Variants in ABCC12 observed in about 807,000 individuals in gnomAD.
ABCC12 encodes ATP binding cassette subfamily C member 12, also known as ATP-binding cassette sub-family C member 12.
ABCC12 carries 142 observed loss-of-function variants against 151.1 expected under a neutral mutation model. The ratio of observed to expected loss-of-function variants is 0.94; its 90% CI spans 0.82 to 1.08. The LOEUF (loss-of-function observed/expected upper bound fraction) is 1.08. ABCC12 is among the 50% of genes least tolerant of loss of function. The pLI is 0.00. For synonymous variants in ABCC12, 645 were observed against 646.4 expected (o/e 1.00, Z 0.03); for missense variants, 1,638 against 1,691.1 (o/e 0.97, Z 0.55).
rs1963914487 is a variant in ABCC12, at chr16:48,117,273, T to A, written c.1773A>T (p.Gly591=). The change falls in exon 14 of 31, where the codon GGA becomes GGT. Residue 591 remains glycine (G), a synonymous_variant. Coordinates refer to ENST00000311303, the MANE Select transcript of ABCC12 (RefSeq NM_001393797.1). ...CAGCCCCGCTCACCTCAGTCAGGTC[T>A]CCATAGGGGAGGTTGCTCAGGTCCT... ...LQKDLSNLPY[G]DLTEIGERGL... is the part of the protein sequence containing the mutation. The A allele has an allele frequency of 6.2e-7, 1 of 1,613,470 alleles. No individual in the cohort carries two copies. The highest frequency in any genetic ancestry group is 8.5e-7 in the Non-Finnish European group (1 of 1,179,804).
At chr16:48,137,274 C>T (rs1421533403) in intron 8 of ABCC12, among the ~76,000 whole-genome samples, 2 of 152,216 alleles carry the variant, frequency 1.3e-5, no homozygotes, top group African/African-American at 2.4e-5. Flanking sequence ...TCCTCCCTTA[C>T]TCATAAAAGC....
chr16:48,127,226 G>A (rs1020971052), intron 11 of ABCC12, among the ~76,000 whole-genome samples: 5 of 151,928 alleles, frequency 3.3e-5, no homozygotes, highest in African/African-American at 1.2e-4. Flanking sequence ...TGAGTCAACA[G>A]GATGAGAGAT....
At chr16:48,084,903 C>A (rs1286334016) in intron 29 of ABCC12, among the ~76,000 whole-genome samples, 1 of 152,102 alleles carries the variant, frequency 6.6e-6, no homozygotes, top group Non-Finnish European at 1.5e-5. Context: ...CCTGACTCTG[C>A]TTGACTGGCC....
intron 2 of ABCC12, among the ~76,000 whole-genome samples, chr16:48,150,585 T>C (rs1965104143): frequency 6.6e-6 from 1 of 152,086 alleles, no homozygotes. Context: ...TATATAATAA[T>C]ATATTTTATT....
rs74436036 is a variant in ABCC12 at position 48,137,022 on chromosome 16, C to T, written c.979+1206G>A. Among the ~76,000 whole-genome samples the T allele has an allele frequency of 1.4e-4, 22 of 152,302 alleles. No homozygotes were observed. In the East Asian group the frequency reaches 4.0e-3, roughly 28 times the overall value. On this transcript the variant is annotated intron_variant, in intron 8 of 30. Coordinates refer to ENST00000311303, the MANE Select transcript of ABCC12 (RefSeq NM_001393797.1). The stretch of plus-strand genomic sequence containing the variant: ...GTGATAAGAAGCCACTATTTTCCAA[C>T]AGGGGAGGAACAGGATCTGACTGAC...
chr16:48,102,685 A>T lies in ABCC12; in HGVS notation c.2900+1457T>A, dbSNP rs1486248642. 2.6e-5 allele frequency among the ~76,000 whole-genome samples: 4 copies of T among 152,082 alleles called. No homozygotes were observed. In the East Asian group the frequency reaches 7.7e-4, roughly 29 times the overall value. On this transcript the variant is annotated intron_variant, in intron 22 of 30. Transcript: ENST00000311303. ...CTCTCCTGCCCCAGTACATTCCCAC[A>T]CCCGCATTTGCCACTGTCCACGGAC...
chr16:48,128,195 T>G (rs887278461), intron 11 of ABCC12, among the ~76,000 whole-genome samples: 1 of 152,352 alleles, frequency 6.6e-6, no homozygotes, highest in East Asian at 1.9e-4. Context: ...TGGAGTGGAC[T>G]GTTCATTCAA....
At chr16:48,098,071 T>C (rs1007889558) in intron 23 of ABCC12, among the ~76,000 whole-genome samples, 9 of 147,906 alleles carry the variant, frequency 6.1e-5, no homozygotes, top group Non-Finnish European at 8.9e-5. Context: ...TGCTTCTCAA[T>C]TGCAAGCCTG....
intron 23 of ABCC12, among the ~76,000 whole-genome samples, chr16:48,098,240 A>G (rs1484307400): frequency 6.6e-6 from 1 of 152,134 alleles, no homozygotes; most frequent in Non-Finnish European, 1.5e-5. Flanking sequence ...ATTAACCAAA[A>G]GAGACATCAG....
At chr16:48,138,200 G>T (rs1964675297) in intron 8 of ABCC12, 28 bp downstream of exon 8, 2 of 1,578,574 alleles carry the variant, frequency 1.3e-6, no homozygotes, top group African/African-American at 2.7e-5. Context: ...AAGGTAAGTG[G>T]TTCTTTAAGC....
intron 2 of ABCC12, among the ~76,000 whole-genome samples, chr16:48,150,793 T>C (rs1965106960): frequency 6.6e-6 from 1 of 152,180 alleles, no homozygotes; most frequent in Non-Finnish European, 1.5e-5. Context: ...AACACATATC[T>C]ATAAATATTT....
At chr16:48,127,480 T>C (rs1453876236) in intron 11 of ABCC12, among the ~76,000 whole-genome samples, 3 of 152,182 alleles carry the variant, frequency 2.0e-5, no homozygotes, top group Admixed American at 6.5e-5. Flanking sequence ...GGTTGCTTGT[T>C]ATCTCAGTTT....
chr16:48,082,614 G>A lies in ABCC12; in HGVS notation c.*1101C>T, dbSNP rs1190681623. On this transcript the variant is annotated 3_prime_UTR_variant, in exon 31 of 31. Transcript: ENST00000311303. ...GCAAGTACGTGACCAACACTTACAAGGGAAGTGGGGTGGGGGGTTGTGGTC... is the reference window on the plus strand; with the variant it reads ...GCAAGTACGTGACCAACACTTACAAAGGAAGTGGGGTGGGGGGTTGTGGTC... 6.6e-6 allele frequency among the ~76,000 whole-genome samples: 1 copy of A among 152,182 alleles called. No individual in the cohort carries two copies. Among genetic ancestry groups the A allele is most frequent in the East Asian group, 1.9e-4 (1 of 5,198 alleles).
chr16:48,147,778 C>T (rs924856045), intron 2 of ABCC12, among the ~76,000 whole-genome samples: 7 of 152,150 alleles, frequency 4.6e-5, no homozygotes, highest in African/African-American at 1.2e-4. Context: ...GAATAATATA[C>T]GTACTTTTTA....
chr16:48,096,984 T>C, intron 23 of ABCC12, 82 bp from the exon 24 acceptor site: 6 of 1,565,552 alleles, frequency 3.8e-6, no homozygotes, highest in Non-Finnish European at 5.3e-6. Context: ...GCTGTAGACT[T>C]AAGGTTAGGG....
At chr16:48,134,659 G>C (rs75443779) in intron 8 of ABCC12, among the ~76,000 whole-genome samples, 1 of 152,154 alleles carries the variant, frequency 6.6e-6, no homozygotes, top group Non-Finnish European at 1.5e-5. Flanking sequence ...ACTCTTTTCT[G>C]CTAACTCCAA....
chr16:48,115,416 T>C lies in ABCC12; in HGVS notation c.1988A>G (p.Gln663Arg). The C allele has an allele frequency of 9.9e-6, 16 of 1,613,986 alleles. No homozygotes were observed. Among genetic ancestry groups the C allele is most frequent in the Non-Finnish European group, 1.2e-5 (14 of 1,179,934 alleles). Reference protein sequence around the residue: ...KTVVLVTHQLQFLESCDEVIL... With the variant: ...KTVVLVTHQLRFLESCDEVIL... ...CCTGGATCCTGCATGTCCCATCACC[T>C]GTAGCTGGTGGGTCACCAGGACGAC... is the stretch of plus-strand genomic sequence containing the variant. The change falls in exon 15 of 31, where the codon CAG becomes CGG. Residue 663 changes from glutamine (Q) to arginine (R), a missense_variant and splice_region_variant. Coordinates refer to ENST00000311303, the MANE Select transcript of ABCC12 (RefSeq NM_001393797.1).
intron 13 of ABCC12, among the ~76,000 whole-genome samples, chr16:48,118,947 C>G (rs1963979054): frequency 6.6e-6 from 1 of 152,238 alleles, no homozygotes; most frequent in South Asian, 2.1e-4. Flanking sequence ...GCCATTAGCA[C>G]AGTGTCTGCT....
At chr16:48,105,000 C>T in intron 21 of ABCC12, 139 bp downstream of exon 21, 1 of 943,718 alleles carries the variant, frequency 1.1e-6, no homozygotes, top group South Asian at 1.6e-5. Context: ...ATTTGGGAGA[C>T]TCTTCCCAGA....
Sources: allele counts gnomAD v4.1 joint callset (sites outside exome capture counted in the v4.1 genomes callset), GRCh38; gene constraint gnomAD v4.1.1; transcripts MANE v1.5; gene names NCBI Gene and HGNC (gene_info 2026-07-23, HGNC 2026-07-21).